The following CEP290 variants were observed in gnomAD, a reference collection of about 807,000 sequenced individuals.
CEP290 encodes centrosomal protein of 290 kDa.
Under a neutral mutation model 344.9 loss-of-function variants are expected in CEP290, and 317 were observed. The observed-to-expected ratio is 0.92, with a 90% confidence interval of 0.84 to 1.01. The LOEUF (loss-of-function observed/expected upper bound fraction) is 1.01. Ranked by LOEUF, CEP290 falls within the 50% of genes least tolerant of loss-of-function variation. CEP290 has a pLI of 0.00. For synonymous variants in CEP290, 932 were observed against 895.8 expected (o/e 1.04, Z -0.72); for missense variants, 2,754 against 2,761.4 (o/e 1.00, Z 0.06).
chr12:88,091,246 T>C (rs571083137), intron 29 of CEP290, among the ~76,000 whole-genome samples: 1 of 152,306 alleles, frequency 6.6e-6, no homozygotes, highest in African/African-American at 2.4e-5. Flanking sequence ...TAGGATAAGG[T>C]ATTTAGTACA....
intron 20 of CEP290, among the ~76,000 whole-genome samples, chr12:88,113,373 C>G (rs1490490247): frequency 6.6e-6 from 1 of 151,896 alleles, no homozygotes; most frequent in Non-Finnish European, 1.5e-5. Flanking sequence ...AACAAAATCA[C>G]CAATCAGAGA....
intron 37 of CEP290, among the ~76,000 whole-genome samples, chr12:88,080,953 T>C (rs2036155945): frequency 6.6e-6 from 1 of 152,244 alleles, no homozygotes; most frequent in African/African-American, 2.4e-5. Flanking sequence ...TATCAAGTTA[T>C]TTTGTGACTC....
chr12:88,140,879 G>C, intron 3 of CEP290, 77 bp downstream of exon 3: 2 of 898,648 alleles, frequency 2.2e-6, no homozygotes, highest in Non-Finnish European at 3.3e-6. Flanking sequence ...TTTTCACAAA[G>C]ATTACCTTAT....
intron 46 of CEP290, 95 bp downstream of exon 46, chr12:88,062,597 G>A: frequency 2.7e-6 from 2 of 734,630 alleles, no homozygotes; most frequent in Non-Finnish European, 4.7e-6. Context: ...GGCACTTGTA[G>A]AGGCATATCA....
Position 88,130,283 on chromosome 12 carries a change from A to C in CEP290, c.654T>G (p.Tyr218Ter), listed in dbSNP as rs863225185. ...LSKKNYELIQ[Y>*]LDEIQTLTEA... ...GCCATTTTACCTGAATTTCATCAAG[A>C]TATTGGATAAGCTCATAGTTTTTTT... The change falls in exon 9 of 54, where the codon TAT becomes TAG. Residue 218 changes from tyrosine (Y) to a stop codon, truncating the protein, a stop_gained. Coordinates refer to ENST00000552810, the MANE Select transcript of CEP290 (RefSeq NM_025114.4). LOFTEE classifies it high-confidence loss of function. 1 of 1,602,248 alleles carries C rather than the reference A, an allele frequency of 6.2e-7. No individual in the cohort carries two copies. The highest frequency in any genetic ancestry group is 1.7e-5 in the Admixed American group (1 of 57,332).
intron 13 of CEP290, among the ~76,000 whole-genome samples, chr12:88,124,639 A>G (rs1258444944): frequency 1.3e-5 from 2 of 152,118 alleles, no homozygotes; most frequent in Non-Finnish European, 2.9e-5. Context: ...GTGTGTATAA[A>G]TGTAGTGTAT....
intron 41 of CEP290, 109 bp from the exon 42 acceptor site, chr12:88,072,035 G>C: frequency 9.9e-7 from 1 of 1,005,736 alleles, no homozygotes; most frequent in East Asian, 2.8e-5. Flanking sequence ...ATATTTCCTA[G>C]AGAATATGTA....
rs568468406 is a variant in CEP290, at chr12:88,122,986, C to T, written c.1190-1820G>A. 9.2e-5 allele frequency among the ~76,000 whole-genome samples: 14 copies of T among 152,004 alleles called. 1 individual carries two copies. The highest frequency in any genetic ancestry group is 1.9e-4 in the Non-Finnish European group (13 of 67,968). On this transcript the variant is annotated intron_variant, in intron 13 of 53. Transcript: ENST00000552810. ...TTGTTCACTGAGAAAAAAGCAGCAACCAGTTTAGAACTTCCACAAATTCCC... is the reference window on the plus strand; with the variant it reads ...TTGTTCACTGAGAAAAAAGCAGCAATCAGTTTAGAACTTCCACAAATTCCC...
intron 26 of CEP290, among the ~76,000 whole-genome samples, chr12:88,100,781 G>C (rs186387219): frequency 4.6e-5 from 7 of 152,154 alleles, no homozygotes; most frequent in Admixed American, 2.0e-4. Flanking sequence ...AGAAAAAAAA[G>C]GTAATGCCTG....
chr12:88,075,464 C>T (rs1470146327), intron 41 of CEP290, among the ~76,000 whole-genome samples: 2 of 151,382 alleles, frequency 1.3e-5, no homozygotes, highest in Non-Finnish European at 2.9e-5. Flanking sequence ...TATGTGCCAG[C>T]GATTGTTCTA....
At chr12:88,091,390 T>G (rs2037027239) in intron 29 of CEP290, among the ~76,000 whole-genome samples, 1 of 87,914 alleles carries the variant, frequency 1.1e-5, no homozygotes, top group East Asian at 3.9e-4. Context: ...AAACATGCAT[T>G]TAATAAAATT....
intron 41 of CEP290, 148 bp from the exon 42 acceptor site, chr12:88,072,074 G>A: frequency 4.0e-6 from 3 of 750,536 alleles, no homozygotes; most frequent in Non-Finnish European, 5.9e-6. Flanking sequence ...TACAGGTTGA[G>A]TATCCCTTAC....
At chr12:88,138,928 C>G (rs2040486156) in intron 5 of CEP290, among the ~76,000 whole-genome samples, 1 of 151,750 alleles carries the variant, frequency 6.6e-6, no homozygotes, top group Non-Finnish European at 1.5e-5. Context: ...TAAGCTCCAT[C>G]CAGCAGTTAA....
intron 35 of CEP290, among the ~76,000 whole-genome samples, 163 bp downstream of exon 35, chr12:88,084,423 A>G (rs532436485): frequency 5.9e-5 from 9 of 152,294 alleles, no homozygotes; most frequent in Non-Finnish European, 8.8e-5. Flanking sequence ...ACAAACTTCC[A>G]GTTTTACTGA....
chr12:88,090,624 T>C, intron 30 of CEP290, 104 bp downstream of exon 30: 1 of 734,312 alleles, frequency 1.4e-6, no homozygotes, highest in Non-Finnish European at 2.3e-6. Flanking sequence ...AATGAGACCC[T>C]ATCTCGAAAC....
At chr12:88,068,881 G>A (rs898218126) in intron 43 of CEP290, among the ~76,000 whole-genome samples, 5 of 152,010 alleles carry the variant, frequency 3.3e-5, no homozygotes, top group Admixed American at 3.3e-4. Context: ...GAGTCAAAAA[G>A]TATATTTTGA....
chr12:88,119,386 TTTATTAAAATA>T (rs1391067093), intron 15 of CEP290, among the ~76,000 whole-genome samples: 1 of 152,178 alleles, frequency 6.6e-6, no homozygotes, highest in Non-Finnish European at 1.5e-5. Flanking sequence ...TAATAGGCTA[TTTATTAAAATA>T]AATATATAAA....
intron 52 of CEP290, among the ~76,000 whole-genome samples, chr12:88,052,157 A>G (rs1276800995): frequency 6.6e-6 from 1 of 152,232 alleles, no homozygotes; most frequent in Non-Finnish European, 1.5e-5. Flanking sequence ...CAAATTAGTA[A>G]TAGGACTACA....
chr12:88,109,717 A>G (rs2137676047), intron 22 of CEP290, among the ~76,000 whole-genome samples: 1 of 152,284 alleles, frequency 6.6e-6, no homozygotes, highest in Admixed American at 6.5e-5. Flanking sequence ...TTATAGCTCT[A>G]TACAGCCTTA....
Sources: gnomAD v4.1 joint callset for allele counts (sites outside exome capture counted in the v4.1 genomes callset) on GRCh38, gnomAD v4.1.1 for gene constraint, MANE v1.5 for transcripts, NCBI Gene and HGNC (gene_info 2026-07-23, HGNC 2026-07-21) for gene names.